Variants in DNM2 observed in about 807,000 individuals in gnomAD.
The protein encoded by DNM2 is dynamin 2.
A neutral mutation model predicts 99.0 loss-of-function variants in DNM2; 15 were observed. The ratio of observed to expected loss-of-function variants is 0.15; its 90% CI spans 0.10 to 0.23. DNM2 has a LOEUF of 0.23. DNM2 is among the 10% of genes least tolerant of loss of function. DNM2 has a pLI of 1.00. For missense variants in DNM2, 742 were observed against 1,189.4 expected (o/e 0.62, Z 5.53); for synonymous variants, 525 against 481.2 (o/e 1.09, Z -1.19).
At chr19:10,749,855 G>A (rs1456609651) in intron 1 of DNM2, among the ~76,000 whole-genome samples, 5 of 152,196 alleles carry the variant, frequency 3.3e-5, no homozygotes, top group East Asian at 1.9e-4. Flanking sequence ...AGGGAGGGGC[G>A]CAAGCCATCA....
chr19:10,746,716 G>GT (rs2069987013), intron 1 of DNM2, among the ~76,000 whole-genome samples: 2 of 131,972 alleles, frequency 1.5e-5, no homozygotes, highest in Non-Finnish European at 3.1e-5. Context: ...AACCGTGCCG[G>GT]CTTTTTTTTT....
chr19:10,728,758 G>C (rs1345773059), intron 1 of DNM2, among the ~76,000 whole-genome samples: 1 of 152,086 alleles, frequency 6.6e-6, no homozygotes, highest in Non-Finnish European at 1.5e-5. Context: ...GACCAGCCTG[G>C]CCAGCATGGC....
chr19:10,772,731 A>C lies in DNM2; in HGVS notation c.385+103A>C. 1.3e-6 allele frequency: 2 copies of C among 1,537,910 alleles called. No homozygotes were observed. Among genetic ancestry groups the C allele is most frequent in the Non-Finnish European group, 1.8e-6 (2 of 1,130,278 alleles). ...TTCCACTCATGGGTATCATGTGCCCATTCACAAACAGTTGATATTCACACA... is the reference window on the plus strand; with the variant it reads ...TTCCACTCATGGGTATCATGTGCCCCTTCACAAACAGTTGATATTCACACA... On this transcript the variant is annotated intron_variant, in intron 3 of 20. Coordinates refer to ENST00000389253, the MANE Select transcript of DNM2 (RefSeq NM_001005361.3). The surrounding 1 kb of genome is among the most constrained non-coding windows in gnomAD (Gnocchi z 4.9).
intron 12 of DNM2, 67 bp downstream of exon 12, chr19:10,802,425 C>T (rs2072186436): frequency 1.9e-6 from 3 of 1,564,208 alleles, no homozygotes; most frequent in Non-Finnish European, 2.6e-6. Context: ...AAGGAGGTGA[C>T]TGAGTTGGGA....
intron 1 of DNM2, among the ~76,000 whole-genome samples, chr19:10,727,109 C>CT (rs1207954942): frequency 6.6e-6 from 1 of 152,144 alleles, no homozygotes; most frequent in South Asian, 2.1e-4. Flanking sequence ...TGTGAATCGT[C>CT]TCCCCATGTG....
intron 5 of DNM2, among the ~76,000 whole-genome samples, chr19:10,778,329 G>A (rs924176006): frequency 2.9e-4 from 43 of 150,598 alleles, no homozygotes; most frequent in Non-Finnish European, 4.4e-4. Context: ...CACCGCACCC[G>A]GCCATCTTCC....
At chr19:10,804,592 G>A (rs556262155) in intron 12 of DNM2, among the ~76,000 whole-genome samples, 14 of 152,260 alleles carry the variant, frequency 9.2e-5, no homozygotes, top group African/African-American at 3.4e-4. Context: ...GGAGGCTGAG[G>A]TGGGAGAATG....
intron 11 of DNM2, 88 bp from the exon 12 acceptor site, chr19:10,802,200 C>G: frequency 6.8e-7 from 1 of 1,462,902 alleles, no homozygotes; most frequent in African/African-American, 1.4e-5. Flanking sequence ...CACGCCTTCC[C>G]TGCTGGCAAG....
At chr19:10,723,536 G>A (rs1331384992) in intron 1 of DNM2, among the ~76,000 whole-genome samples, 1 of 152,192 alleles carries the variant, frequency 6.6e-6, no homozygotes, top group Admixed American at 6.5e-5. Flanking sequence ...CCAAGGTGCT[G>A]GGATTGCAGG....
chr19:10,758,145 T>C (rs1382365871), intron 1 of DNM2, among the ~76,000 whole-genome samples: 1 of 152,108 alleles, frequency 6.6e-6, no homozygotes, highest in African/African-American at 2.4e-5. Flanking sequence ...GCTGGAATCC[T>C]GGTGTATTCA....
At chr19:10,731,270 C>T (rs1004591329) in intron 1 of DNM2, among the ~76,000 whole-genome samples, 10 of 152,092 alleles carry the variant, frequency 6.6e-5, no homozygotes, top group South Asian at 2.1e-4. Flanking sequence ...CCTCCACCCC[C>T]GGGAGGCCTA....
At chr19:10,785,060 T>C (rs1359855301) in intron 6 of DNM2, among the ~76,000 whole-genome samples, 1 of 151,976 alleles carries the variant, frequency 6.6e-6, no homozygotes, top group Admixed American at 6.6e-5. Flanking sequence ...TCAGGTGATC[T>C]GCCCGCCTTA....
chr19:10,817,893 CA>C lies in DNM2; in HGVS notation c.1672-2086del, dbSNP rs1180418361. Among the ~76,000 whole-genome samples, 2 of 152,012 alleles carry C rather than the reference CA, an allele frequency of 1.3e-5. No individual in the cohort carries two copies. The highest frequency in any genetic ancestry group is 2.9e-5 in the Non-Finnish European group (2 of 67,966). Reference sequence around the variant, plus strand: ...TTTCTCGGCGGAATCGCACTGTAAACAGTTCCAGATGTGGCATTAGCTGGAA... The same window carrying C: ...TTTCTCGGCGGAATCGCACTGTAAACGTTCCAGATGTGGCATTAGCTGGAA... On this transcript the variant is annotated intron_variant, in intron 15 of 20. Transcript: ENST00000389253. This position sits in a 1 kb window ranked among gnomAD's most constrained non-coding sequence, Gnocchi z 4.6.
chr19:10,724,659 G>T (rs1325301772), intron 1 of DNM2, among the ~76,000 whole-genome samples: 1 of 152,148 alleles, frequency 6.6e-6, no homozygotes, highest in Non-Finnish European at 1.5e-5. Context: ...ATTAGGGTGG[G>T]ACCAGGCCTC....
At chr19:10,760,631 C>G (rs1038525948) in intron 2 of DNM2, among the ~76,000 whole-genome samples, 12 of 151,930 alleles carry the variant, frequency 7.9e-5, no homozygotes, top group Admixed American at 1.3e-4. Context: ...CTCTTCTTCT[C>G]TTTTCATTAA....
At position 10,775,651 on chromosome 19, in the gene DNM2, G is replaced by A; in HGVS notation, c.386-52G>A. ...CAGCTGGGTGGCTGCGGGCCTGTTT[G>A]TGCCTCCCCTCTCCTGGCTCTGAAT... On this transcript the variant is annotated intron_variant, in intron 3 of 20. Coordinates refer to ENST00000389253, the MANE Select transcript of DNM2 (RefSeq NM_001005361.3). The surrounding 1 kb of genome is among the most constrained non-coding windows in gnomAD (Gnocchi z 4.3). The A allele has an allele frequency of 3.1e-6, 5 of 1,608,734 alleles. No homozygotes were observed. The highest frequency in any genetic ancestry group is 1.3e-5 in the African/African-American group (1 of 74,916).
intron 1 of DNM2, among the ~76,000 whole-genome samples, chr19:10,749,464 G>A (rs1371462629): frequency 6.6e-6 from 1 of 152,206 alleles, no homozygotes; most frequent in Non-Finnish European, 1.5e-5. Flanking sequence ...CCACTTTAGA[G>A]CTCTGAAACC....
chr19:10,800,565 TC>T (rs1460911347), intron 11 of DNM2, among the ~76,000 whole-genome samples: 1 of 152,212 alleles, frequency 6.6e-6, no homozygotes, highest in Non-Finnish European at 1.5e-5. Flanking sequence ...CCACGCTCGC[TC>T]CCACAGATGG....
chr19:10,720,753 T>A (rs2068911880), intron 1 of DNM2, among the ~76,000 whole-genome samples: 1 of 152,086 alleles, frequency 6.6e-6, no homozygotes, highest in Non-Finnish European at 1.5e-5. Flanking sequence ...AAAAAGTGCT[T>A]ACTTACCTAA....
Sources: gnomAD v4.1 joint callset for allele counts (sites outside exome capture counted in the v4.1 genomes callset) on GRCh38, gnomAD v4.1.1 for gene constraint, Gnocchi (gnomAD v3.1) non-coding constraint, MANE v1.5 for transcripts, NCBI Gene and HGNC (gene_info 2026-07-23, HGNC 2026-07-21) for gene names.